USP53: variants seen among roughly 807,000 people sequenced by gnomAD.
The protein encoded by USP53 is ubiquitin specific peptidase 53.
A neutral mutation model predicts 94.9 loss-of-function variants in USP53; 71 were observed. That is an observed-to-expected ratio of 0.75 (90% CI 0.62 to 0.91). The LOEUF (loss-of-function observed/expected upper bound fraction) is 0.91, where lower values mean the gene tolerates loss of function less well. Among genes scored for constraint, USP53 ranks in the 40% least tolerant of loss-of-function variants. The probability of loss-of-function intolerance (pLI) is 0.00; values close to 1 mark genes in which losing one functional copy is unlikely to be tolerated. For synonymous variants in USP53, 375 were observed against 422.7 expected (o/e 0.89, Z 1.39); for missense variants, 1,173 against 1,281.0 (o/e 0.92, Z 1.29).
Position 119,214,229 on chromosome 4 carries a change from A to G in USP53, c.-789+7A>G, listed in dbSNP as rs1173796417. The G allele has an allele frequency of 1.3e-5, 2 of 152,080 alleles. No individual in the cohort carries two copies. The highest frequency in any genetic ancestry group is 4.8e-5 in the African/African-American group (2 of 41,420). The allele number at this position is 152,080 out of a possible 1,614,324, so 9.4% of individuals were successfully genotyped here. A position where few individuals can be genotyped will look rare whatever the true frequency, so the allele number is the denominator to read the frequency against. On this transcript the variant is annotated splice_region_variant and intron_variant, in intron 2 of 18. Transcript: ENST00000692078. ...CCAAATAGACAAACTCGGTGTAAGT[A>G]GGAGTTAATTATAGTCTGAGAAATA... is the stretch of plus-strand genomic sequence containing the variant.
rs143796846 is a variant in USP53, at chr4:119,286,578, A to G, written c.2252-4587A>G. 5.3e-5 allele frequency among the ~76,000 whole-genome samples: 8 copies of G among 152,142 alleles called. No individual in the cohort carries two copies. The East Asian group carries it at 1.3e-3, about 26-fold the overall frequency. ...AATTTCAAACATGCTCATAAAACCT[A>G]TGCTGCCTCCTGCTGCCCATTGTGT... On this transcript the variant is annotated intron_variant, in intron 17 of 18. Coordinates refer to ENST00000692078, the MANE Select transcript of USP53 (RefSeq NM_001371395.1).
chr4:119,245,481 T>C, intron 6 of USP53, 52 bp downstream of exon 6: 8 of 1,534,284 alleles, frequency 5.2e-6, no homozygotes, highest in Non-Finnish European at 7.2e-6. Context: ...CTTCAAAAAT[T>C]TAAGTTTGAT....
intron 2 of USP53, among the ~76,000 whole-genome samples, chr4:119,216,132 C>T (rs1386390942): frequency 6.6e-6 from 1 of 152,088 alleles, no homozygotes; most frequent in Admixed American, 6.6e-5. Context: ...GTAATCCTAG[C>T]ACTTTGGGAG....
intron 17 of USP53, among the ~76,000 whole-genome samples, chr4:119,280,762 G>A (rs1383841864): frequency 6.6e-6 from 1 of 152,198 alleles, no homozygotes; most frequent in African/African-American, 2.4e-5. Context: ...TCCAGAGGTG[G>A]TCAGTGTAGT....
intron 5 of USP53, among the ~76,000 whole-genome samples, chr4:119,241,298 CAT>C (rs1434818058): frequency 6.6e-6 from 1 of 152,124 alleles, no homozygotes; most frequent in Non-Finnish European, 1.5e-5. Context: ...TTTACTTATA[CAT>C]ATCTGCATAT....
intron 6 of USP53, among the ~76,000 whole-genome samples, chr4:119,245,905 A>G (rs1748166444): frequency 6.6e-6 from 1 of 152,208 alleles, no homozygotes; most frequent in South Asian, 2.1e-4. Flanking sequence ...GAAAGAAAAT[A>G]GGGAGTGTTG....
intron 6 of USP53, among the ~76,000 whole-genome samples, chr4:119,247,732 G>T (rs1026764404): frequency 1.3e-5 from 2 of 152,086 alleles, no homozygotes; most frequent in African/African-American, 4.8e-5. Context: ...TCTCGCATAG[G>T]ATTAAAAATC....
intron 17 of USP53, among the ~76,000 whole-genome samples, chr4:119,280,008 C>A (rs1753302530): frequency 6.6e-6 from 1 of 152,160 alleles, no homozygotes; most frequent in Non-Finnish European, 1.5e-5. Context: ...TCTGGTACTC[C>A]CTAGTGAGAT....
chr4:119,256,172 C>A (rs1307859310), intron 7 of USP53, 74 bp from the exon 8 acceptor site: 2 of 1,009,312 alleles, frequency 2.0e-6, no homozygotes, highest in Non-Finnish European at 2.9e-6. Context: ...GGATAATCTG[C>A]AGGTAAAGAG....
In USP53 at chr4:119,248,873, G is replaced by A. The variant is rs144065914; in HGVS notation, c.363G>A (p.Ala121=). 9.3e-6 allele frequency: 15 copies of A among 1,614,010 alleles called. No individual in the cohort carries two copies. Among genetic ancestry groups the A allele is most frequent in the African/African-American group, 6.7e-5 (5 of 75,012 alleles). ...AACTTGGCCTTATGGATGATGCTGCGGAGTGCTTTGTAAGTGTTTCTGATA... is the reference window on the plus strand; with the variant it reads ...AACTTGGCCTTATGGATGATGCTGCAGAGTGCTTTGTAAGTGTTTCTGATA... The part of the protein sequence containing the change: ...RFQLGLMDDA[A]ECFENMLERI... Residue 121 remains alanine, a synonymous_variant, in exon 7 of 19, where the codon GCG becomes GCA. Transcript: ENST00000692078.
chr4:119,227,871 C>T (rs1205931085), intron 3 of USP53, among the ~76,000 whole-genome samples: 1 of 152,026 alleles, frequency 6.6e-6, no homozygotes, highest in Non-Finnish European at 1.5e-5. Context: ...AAGAGATAAG[C>T]AAAAGAATAT....
chr4:119,263,938 A>G (rs1750811118), intron 12 of USP53, among the ~76,000 whole-genome samples: 2 of 152,004 alleles, frequency 1.3e-5, no homozygotes, highest in African/African-American at 4.8e-5. Flanking sequence ...AGTGGCACCC[A>G]CCTGTAGTCC....
At chr4:119,255,252 C>T (rs953395634) in intron 7 of USP53, among the ~76,000 whole-genome samples, 3 of 152,192 alleles carry the variant, frequency 2.0e-5, no homozygotes, top group Non-Finnish European at 4.4e-5. Flanking sequence ...AACCACTGCT[C>T]TCTTCAGAGC....
intron 10 of USP53, 82 bp downstream of exon 10, chr4:119,260,007 T>G: frequency 2.1e-6 from 2 of 973,580 alleles, no homozygotes; most frequent in Non-Finnish European, 3.0e-6. Flanking sequence ...CATGTAAATA[T>G]TGATTCTATA....
chr4:119,255,346 G>A (rs1749615850), intron 7 of USP53, among the ~76,000 whole-genome samples: 1 of 152,154 alleles, frequency 6.6e-6, no homozygotes, highest in African/African-American at 2.4e-5. Flanking sequence ...TGGAATCTAG[G>A]GAGGCAGTAG....
intron 6 of USP53, among the ~76,000 whole-genome samples, chr4:119,248,134 G>A (rs549103461): frequency 4.4e-4 from 67 of 152,038 alleles, no homozygotes; most frequent in Non-Finnish European, 8.4e-4. Flanking sequence ...TCTTGCTTAA[G>A]TTTAATAAGG....
chr4:119,244,148 G>C (rs1747911452), intron 5 of USP53, among the ~76,000 whole-genome samples: 1 of 151,922 alleles, frequency 6.6e-6, no homozygotes, highest in Non-Finnish European at 1.5e-5. Flanking sequence ...CTTCTTTCTT[G>C]GTAAAATGGA....
intron 2 of USP53, among the ~76,000 whole-genome samples, chr4:119,215,468 A>C (rs954768086): frequency 6.6e-6 from 1 of 152,176 alleles, no homozygotes; most frequent in Non-Finnish European, 1.5e-5. Context: ...CAGTATATAG[A>C]ATATTTAGGC....
chr4:119,285,411 G>A (rs1308683215), intron 17 of USP53, among the ~76,000 whole-genome samples: 1 of 151,780 alleles, frequency 6.6e-6, no homozygotes, highest in African/African-American at 2.4e-5. Context: ...TTTGCCATTT[G>A]CTTCCAGAGT....
Sources: gnomAD v4.1 joint callset for allele counts (sites outside exome capture counted in the v4.1 genomes callset) on GRCh38, gnomAD v4.1.1 for gene constraint, MANE v1.5 for transcripts, NCBI Gene and HGNC (gene_info 2026-07-23, HGNC 2026-07-21) for gene names.